CUL3: variants seen among roughly 807,000 people sequenced by gnomAD.
The protein encoded by CUL3 is cullin-3.
A neutral mutation model predicts 89.1 loss-of-function variants in CUL3; 19 were observed. The observed-to-expected ratio is 0.21, with a 90% CI of 0.15 to 0.31. The LOEUF (loss-of-function observed/expected upper bound fraction) is 0.31, where lower values mean the gene tolerates loss of function less well. CUL3 is among the 10% of genes least tolerant of loss of function. The pLI, the probability that CUL3 is intolerant of heterozygous loss-of-function variation, is 1.00. For missense variants in CUL3, 469 were observed against 942.3 expected (o/e 0.50, Z 6.58); for synonymous variants, 351 against 308.4 (o/e 1.14, Z -1.45).
intron 1 of CUL3, among the ~76,000 whole-genome samples, chr2:224,584,175 TGAAA>T (rs1559251565): frequency 1.3e-5 from 2 of 152,148 alleles, no homozygotes; most frequent in Non-Finnish European, 2.9e-5. Context: ...TTGCTGTCAC[TGAAA>T]GCGATGAAAC....
chr2:224,576,800 A>G (rs935003190), intron 1 of CUL3, among the ~76,000 whole-genome samples: 3 of 152,162 alleles, frequency 2.0e-5, no homozygotes, highest in Non-Finnish European at 4.4e-5. Context: ...TGCAAACCAA[A>G]TGAGTGTTTA....
intron 3 of CUL3, among the ~76,000 whole-genome samples, chr2:224,519,032 G>A (rs1430761341): frequency 6.6e-6 from 1 of 152,176 alleles, no homozygotes; most frequent in Non-Finnish European, 1.5e-5. Flanking sequence ...GGAAGCCAAG[G>A]CATGTGATCA....
chr2:224,503,510 GTTC>G, intron 9 of CUL3, 139 bp downstream of exon 9: 1 of 736,908 alleles, frequency 1.4e-6, no homozygotes, highest in Non-Finnish European at 2.1e-6. Flanking sequence ...TGTAGTCTGT[GTTC>G]TTCTCCAAAA....
In CUL3 at chr2:224,585,118, C is replaced by G; in HGVS notation, c.-109G>C. 3 of 836,030 alleles carry G rather than the reference C, an allele frequency of 3.6e-6. No homozygotes were observed. The highest frequency in any genetic ancestry group is 4.5e-5 in the South Asian group (2 of 44,362). 51.8% of individuals were successfully genotyped at this position (836,030 alleles called of 1,614,324 possible). ...GGCGACGCTGGGGGCGGCGGCGGCG[C>G]GACCCCCGGGCAGGGCTGGGGAGCT... is the stretch of plus-strand genomic sequence containing the variant. On this transcript the variant is annotated 5_prime_UTR_variant, in exon 1 of 16. Coordinates refer to ENST00000264414, the MANE Select transcript of CUL3 (RefSeq NM_003590.5).
intron 2 of CUL3, among the ~76,000 whole-genome samples, chr2:224,539,891 A>G (rs759504008): frequency 6.6e-6 from 1 of 152,180 alleles, no homozygotes; most frequent in African/African-American, 2.4e-5. Flanking sequence ...TCATTCCAAA[A>G]GTGAGCCCTC....
chr2:224,551,205 A>AT (rs1211420165), intron 2 of CUL3, among the ~76,000 whole-genome samples: 2,896 of 133,960 alleles, frequency 0.022, 88 homozygotes, highest in African/African-American at 0.059. Context: ...AAGCCCGGCA[A>AT]TTTTTTTTTT....
At chr2:224,482,479 A>T (rs1408409297) in intron 13 of CUL3, among the ~76,000 whole-genome samples, 2 of 152,128 alleles carry the variant, frequency 1.3e-5, no homozygotes, top group African/African-American at 2.4e-5. Context: ...TTTGCTTAGT[A>T]ATTTCTTTCA....
chr2:224,541,008 A>G (rs1296294449), intron 2 of CUL3, among the ~76,000 whole-genome samples: 2 of 152,244 alleles, frequency 1.3e-5, no homozygotes, highest in African/African-American at 4.8e-5. Flanking sequence ...AGTAATCCAA[A>G]GAAAAAGGTC....
Position 224,495,564 on chromosome 2 carries a change from T to C in CUL3, c.1842+268A>G, listed in dbSNP as rs147602120. On this transcript the variant is annotated intron_variant, in intron 13 of 15. Coordinates refer to ENST00000264414, the MANE Select transcript of CUL3 (RefSeq NM_003590.5). ...TCGGGCAATATTCTTGTGATGGTAG[T>C]TACAAAGATGCACTCATTTAAAACT... is the stretch of plus-strand genomic sequence containing the variant. The C allele has an allele frequency of 9.6e-3, 2,305 of 239,116 alleles. 20 individuals are homozygous for C. Among genetic ancestry groups the C allele is most frequent in the Non-Finnish European group, 0.012 (1,542 of 124,354 alleles). The allele number at this position is 239,116 out of a possible 1,614,324, so 14.8% of individuals were successfully genotyped here.
chr2:224,512,392 G>A (rs1574644671), intron 5 of CUL3, among the ~76,000 whole-genome samples: 9 of 152,186 alleles, frequency 5.9e-5, no homozygotes, highest in Admixed American at 5.2e-4. Flanking sequence ...CACTGTGCCC[G>A]GCCAACACTT....
chr2:224,564,678 T>C (rs1694996435), intron 1 of CUL3, among the ~76,000 whole-genome samples: 1 of 152,196 alleles, frequency 6.6e-6, no homozygotes, highest in Non-Finnish European at 1.5e-5. Context: ...GGGTGGGGAC[T>C]TCTGTACTGG....
At chr2:224,535,317 G>A (rs3738950) in intron 3 of CUL3, among the ~76,000 whole-genome samples, 1 of 152,206 alleles carries the variant, frequency 6.6e-6, no homozygotes, top group East Asian at 1.9e-4. Context: ...GGGATTACAG[G>A]TGCCCACCAC....
At chr2:224,584,472 G>T (rs1020917885) in intron 1 of CUL3, among the ~76,000 whole-genome samples, 12 of 152,168 alleles carry the variant, frequency 7.9e-5, no homozygotes, top group African/African-American at 2.9e-4. Flanking sequence ...CCTGGGGAGG[G>T]GGGCAGAGAG....
chr2:224,511,888 C>T (rs1183857739), intron 5 of CUL3, among the ~76,000 whole-genome samples: 1 of 152,120 alleles, frequency 6.6e-6, no homozygotes, highest in South Asian at 2.1e-4. Flanking sequence ...AGCTTAGAAG[C>T]ATCTGACTCC....
At chr2:224,508,498 T>C (rs1300403041) in intron 6 of CUL3, among the ~76,000 whole-genome samples, 2 of 152,196 alleles carry the variant, frequency 1.3e-5, no homozygotes, top group African/African-American at 4.8e-5. Flanking sequence ...TTCAATCCTA[T>C]GTTGTTGTAA....
At chr2:224,562,868 G>C (rs1207200134) in intron 1 of CUL3, 1 of 163,320 alleles carries the variant, frequency 6.1e-6, no homozygotes, top group African/African-American at 2.4e-5. Context: ...TTTGCTGTCA[G>C]ACAGCCTTAG....
chr2:224,524,081 A>G, intron 3 of CUL3, among the ~76,000 whole-genome samples: 1 of 152,200 alleles, frequency 6.6e-6, no homozygotes, highest in East Asian at 1.9e-4. Flanking sequence ...GTATTTGACC[A>G]CAATTAAAAA....
chr2:224,555,239 TTCAAA>T, intron 2 of CUL3, among the ~76,000 whole-genome samples: 1 of 152,316 alleles, frequency 6.6e-6, no homozygotes, highest in South Asian at 2.1e-4. Flanking sequence ...CTCTACCCAT[TTCAAA>T]TCAGTTTCCC....
intron 2 of CUL3, among the ~76,000 whole-genome samples, chr2:224,556,877 A>G (rs1694727898): frequency 6.6e-6 from 1 of 152,144 alleles, no homozygotes. Context: ...AGCAAAATGT[A>G]AACAACTGGT....
Sources: gnomAD v4.1 joint callset for allele counts (sites outside exome capture counted in the v4.1 genomes callset) on GRCh38, gnomAD v4.1.1 for gene constraint, MANE v1.5 for transcripts, NCBI Gene and HGNC (gene_info 2026-07-23, HGNC 2026-07-21) for gene names.